Variants in PHF11 observed in about 807,000 individuals in gnomAD.
PHF11 encodes the protein BRCA1 C-terminus-associated protein.
A neutral mutation model predicts 40.5 loss-of-function variants in PHF11; 38 were observed. That is an observed-to-expected ratio of 0.94 (90% confidence interval 0.72 to 1.23). The LOEUF is 1.23. Among genes scored for constraint, PHF11 ranks in the 50% most tolerant of loss-of-function variants. The pLI, the probability that PHF11 is intolerant of heterozygous loss-of-function variation, is 0.00. For synonymous variants in PHF11, 127 were observed against 138.2 expected (o/e 0.92, Z 0.57); for missense variants, 369 against 392.4 (o/e 0.94, Z 0.50).
At chr13:49,503,110 TC>T (rs1363270458) in intron 1 of PHF11, among the ~76,000 whole-genome samples, 1 of 152,150 alleles carries the variant, frequency 6.6e-6, no homozygotes, top group African/African-American at 2.4e-5. Context: ...GTTTCTCAAA[TC>T]CTTTCCCAGC....
intron 8 of PHF11, 80 bp downstream of exon 8, chr13:49,524,296 A>T (rs563933717): frequency 6.0e-6 from 7 of 1,164,126 alleles, no homozygotes; most frequent in African/African-American, 1.6e-5. Context: ...CCAAGAAAAA[A>T]AAAAAGGCCC....
chr13:49,518,199 G>C, intron 4 of PHF11, 48 bp downstream of exon 4: 2 of 1,345,058 alleles, frequency 1.5e-6, no homozygotes, highest in Non-Finnish European at 1.0e-6. Context: ...ATTGGGATAA[G>C]GAATGGTTGG....
In PHF11 at chr13:49,496,078, C is replaced by T; in HGVS notation, c.77C>T (p.Ala26Val). 1 of 1,318,722 alleles carries T rather than the reference C, an allele frequency of 7.6e-7. No individual in the cohort carries two copies. The highest frequency in any genetic ancestry group is 9.8e-7 in the Non-Finnish European group (1 of 1,016,386). The allele number at this position is 1,318,722 out of a possible 1,614,324, so 81.7% of individuals were successfully genotyped here. A position where few individuals can be genotyped will look rare whatever the true frequency, so the allele number is the denominator to read the frequency against. ...CCGGAGGCCCGGCCCGCGCAGGAGG[C>T]GCTCCTCCTTCCCACCGGTGTGTAC... The part of the protein sequence containing the change: ...SSPEARPAQE[A>V]LLLPTGVFQV... The change falls in exon 1 of 10, where the codon GCG (alanine) becomes GTG (valine). Residue 26 changes from alanine (A) to valine (V), a missense_variant. Ala to Val is a moderately conservative substitution (Grantham distance 64). Coordinates refer to ENST00000378319, the MANE Select transcript of PHF11 (RefSeq NM_001040443.3).
intron 8 of PHF11, 99 bp downstream of exon 8, chr13:49,524,315 C>A: frequency 1.0e-6 from 1 of 954,966 alleles, no homozygotes; most frequent in Non-Finnish European, 1.6e-6. Flanking sequence ...CCATTTTCTT[C>A]CTATACTACT....
chr13:49,521,085 T>A, intron 5 of PHF11, 145 bp downstream of exon 5: 1 of 1,391,258 alleles, frequency 7.2e-7, no homozygotes, highest in Non-Finnish European at 9.3e-7. Context: ...ATTGACAACT[T>A]CTTTGTGTAC....
intron 1 of PHF11, among the ~76,000 whole-genome samples, chr13:49,498,023 A>G (rs970196613): frequency 1.3e-5 from 2 of 152,118 alleles, no homozygotes; most frequent in Admixed American, 6.5e-5. Context: ...CTTCTGCTCT[A>G]TTCTTTCTCT....
chr13:49,509,372 C>T lies in PHF11; in HGVS notation c.216+2616C>T, dbSNP rs535561445. On this transcript the variant is annotated intron_variant, in intron 2 of 9. Transcript: ENST00000378319. ...GGATTACAGGCACATGCCACCACGC[C>T]CAGCTAATTTTTTGTATTTGTGGTA... Among the ~76,000 whole-genome samples, 6 of 152,174 alleles carry T rather than the reference C, an allele frequency of 3.9e-5. No individual in the cohort carries two copies. The East Asian group carries it at 1.2e-3, about 29-fold the overall frequency.
In PHF11 at chr13:49,528,788, C is replaced by G. The variant is rs1959424644; in HGVS notation, c.*123C>G. 4.6e-6 allele frequency: 3 copies of G among 656,714 alleles called. No homozygotes were observed. The South Asian group carries it at 5.9e-5, about 13-fold the overall frequency. The allele number at this position is 656,714 out of a possible 1,614,324, so 40.7% of individuals were successfully genotyped here. On this transcript the variant is annotated 3_prime_UTR_variant, in exon 10 of 10. Transcript: ENST00000378319. ...TCTCCTCTTGGCCTCAGCAGCTCTT[C>G]CCTGTTCTTACTGGTTGACATTTTG...
intron 2 of PHF11, 138 bp downstream of exon 2, chr13:49,506,894 ATTTCT>A: frequency 4.5e-6 from 1 of 223,900 alleles, no homozygotes; most frequent in Non-Finnish European, 7.7e-6. Flanking sequence ...ATTGGGGAGC[ATTTCT>A]TTTTTTTTTT....
intron 2 of PHF11, among the ~76,000 whole-genome samples, chr13:49,511,028 C>A (rs575679880): frequency 6.6e-6 from 1 of 152,302 alleles, no homozygotes; most frequent in South Asian, 2.1e-4. Flanking sequence ...TTTGTCTTAT[C>A]TTTTCTCAGA....
At chr13:49,501,954 G>A (rs1421622156) in intron 1 of PHF11, among the ~76,000 whole-genome samples, 1 of 151,850 alleles carries the variant, frequency 6.6e-6, no homozygotes, top group African/African-American at 2.4e-5. Context: ...GCCTCCCAAA[G>A]TGCTGGGATT....
intron 5 of PHF11, 62 bp from the exon 6 acceptor site, chr13:49,521,981 T>G (rs1959190247): frequency 2.5e-6 from 2 of 808,140 alleles, no homozygotes; most frequent in Non-Finnish European, 4.2e-6. Flanking sequence ...GTATATTTCA[T>G]GTAGTCAAAC....
At chr13:49,517,793 T>C (rs1959168585) in intron 3 of PHF11, among the ~76,000 whole-genome samples, 1 of 152,232 alleles carries the variant, frequency 6.6e-6, no homozygotes, top group Non-Finnish European at 1.5e-5. Flanking sequence ...ATTACAAAAC[T>C]GTCTGTCCAA....
intron 2 of PHF11, among the ~76,000 whole-genome samples, 174 bp from the exon 3 acceptor site, chr13:49,512,885 C>T (rs1959097155): frequency 6.6e-6 from 1 of 152,162 alleles, no homozygotes; most frequent in Non-Finnish European, 1.5e-5. Flanking sequence ...CAGGGTCATT[C>T]CCAGAGAAAT....
At chr13:49,515,526 T>C (rs1305709719) in intron 3 of PHF11, among the ~76,000 whole-genome samples, 2 of 149,150 alleles carry the variant, frequency 1.3e-5, no homozygotes, top group African/African-American at 4.9e-5. Context: ...AATCTGCTCA[T>C]AAAAACAGCA....
chr13:49,519,299 A>G (rs1229948931), intron 4 of PHF11, among the ~76,000 whole-genome samples: 1 of 152,138 alleles, frequency 6.6e-6, no homozygotes, highest in Non-Finnish European at 1.5e-5. Flanking sequence ...TTTATTATTT[A>G]CCTTACCAAA....
intron 6 of PHF11, 50 bp from the exon 7 acceptor site, chr13:49,523,125 T>C: frequency 8.2e-7 from 1 of 1,222,218 alleles, no homozygotes; most frequent in Non-Finnish European, 1.2e-6. Context: ...TGGTTTTCAT[T>C]TTATGCAATA....
Position 49,496,081 on chromosome 13 carries a change from T to G in PHF11, c.80T>G (p.Leu27Arg), listed in dbSNP as rs1958799425. ...GAGGCCCGGCCCGCGCAGGAGGCGCTCCTCCTTCCCACCGGTGTGTACCGC... is the reference window on the plus strand; with the variant it reads ...GAGGCCCGGCCCGCGCAGGAGGCGCGCCTCCTTCCCACCGGTGTGTACCGC... Reference protein sequence around the residue: ...SPEARPAQEALLLPTGVFQVA... With the variant: ...SPEARPAQEARLLPTGVFQVA... The change falls in exon 1 of 10, where the codon CTC becomes CGC. Residue 27 changes from leucine to arginine, a missense_variant. Leu to Arg is a moderately radical substitution (Grantham distance 102, BLOSUM62 -2). Coordinates refer to ENST00000378319, the MANE Select transcript of PHF11 (RefSeq NM_001040443.3). 1 of 1,077,400 alleles carries G rather than the reference T, an allele frequency of 9.3e-7. No individual in the cohort carries two copies. The highest frequency in any genetic ancestry group is 1.2e-6 in the Non-Finnish European group (1 of 824,750). The allele number at this position is 1,077,400 out of a possible 1,614,324, so 66.7% of individuals were successfully genotyped here. A position where few individuals can be genotyped will look rare whatever the true frequency, so the allele number is the denominator to read the frequency against.
At chr13:49,525,878 A>G (rs569209086) in intron 8 of PHF11, 1 of 439,252 alleles carries the variant, frequency 2.3e-6, no homozygotes, top group Non-Finnish European at 4.5e-6. Flanking sequence ...ACAAATACCA[A>G]GAATTGGGGG....
Sources: gnomAD v4.1 joint callset for allele counts (sites outside exome capture counted in the v4.1 genomes callset) on GRCh38, gnomAD v4.1.1 for gene constraint, MANE v1.5 for transcripts, NCBI Gene and HGNC (gene_info 2026-07-23, HGNC 2026-07-21) for gene names.